Variants in TP63 observed in about 807,000 individuals in gnomAD.
The protein encoded by TP63 is tumor protein p63.
Under a neutral mutation model 82.8 loss-of-function variants are expected in TP63, and 17 were observed. The observed-to-expected ratio is 0.21, with a 90% CI of 0.14 to 0.31. TP63 has a LOEUF of 0.31. Ranked by LOEUF, TP63 falls within the 10% of genes least tolerant of loss-of-function variation. TP63 has a pLI of 1.00. For missense variants in TP63, 648 were observed against 895.3 expected (o/e 0.72, Z 3.52); for synonymous variants, 330 against 321.7 (o/e 1.03, Z -0.28).
At chr3:189,840,518 A>T (rs1713921220) in intron 4 of TP63, among the ~76,000 whole-genome samples, 1 of 151,218 alleles carries the variant, frequency 6.6e-6, no homozygotes, top group Admixed American at 6.6e-5. Flanking sequence ...AGAGGGTGAG[A>T]ATACACAGTA....
chr3:189,808,803 G>C (rs1256970842), intron 4 of TP63, among the ~76,000 whole-genome samples: 5 of 152,236 alleles, frequency 3.3e-5, no homozygotes, highest in African/African-American at 1.2e-4. Context: ...AAAGTTCATG[G>C]CAAGGTAAAG....
At chr3:189,855,755 C>T (rs1716214902) in intron 4 of TP63, among the ~76,000 whole-genome samples, 1 of 151,788 alleles carries the variant, frequency 6.6e-6, no homozygotes, top group Non-Finnish European at 1.5e-5. Flanking sequence ...AAACGGTCAA[C>T]AATGTTAATA....
Position 189,688,293 on chromosome 3 carries a change from C to T in TP63, c.63-49447C>T, listed in dbSNP as rs139857100. On this transcript the variant is annotated intron_variant, in intron 1 of 13. Transcript: ENST00000264731. ...AAATACAATTTAACTAAAGTCTCCA[C>T]ATTTCTAGGTCTTACAAATTCAGAA... Among the ~76,000 whole-genome samples the T allele has an allele frequency of 4.7e-3, 718 of 152,300 alleles. 4 individuals carry two copies. The highest frequency in any genetic ancestry group is 0.014 in the African/African-American group (586 of 41,560).
At chr3:189,608,979 G>A in the TP63 span, among the ~76,000 whole-genome samples, 1 of 151,972 alleles carries the variant, frequency 6.6e-6, no homozygotes, top group East Asian at 1.9e-4. Context: ...TTAGGATTCA[G>A]GAGGAAAACA....
intron 3 of TP63, among the ~76,000 whole-genome samples, chr3:189,807,538 T>G (rs1727043461): frequency 1.3e-5 from 2 of 152,348 alleles, no homozygotes; most frequent in South Asian, 4.1e-4. Context: ...CATAAGTAGT[T>G]GGTATTTCTC....
intron 4 of TP63, among the ~76,000 whole-genome samples, chr3:189,822,902 G>T (rs1042437641): frequency 6.6e-6 from 1 of 152,174 alleles, no homozygotes; most frequent in Admixed American, 6.5e-5. Flanking sequence ...AATGGTCAGG[G>T]TTCTCTAGGG....
At chr3:189,843,818 T>C (rs1384047718) in intron 4 of TP63, among the ~76,000 whole-genome samples, 1 of 152,176 alleles carries the variant, frequency 6.6e-6, no homozygotes, top group African/African-American at 2.4e-5. Context: ...AGTGGGCAGG[T>C]AGAGGACTAG....
intron 4 of TP63, among the ~76,000 whole-genome samples, chr3:189,821,835 G>A (rs1213812744): frequency 2.0e-5 from 3 of 152,088 alleles, no homozygotes; most frequent in South Asian, 2.1e-4. Flanking sequence ...ACGAGATATC[G>A]TATAAAGCAT....
At chr3:189,878,385 C>CTTTTTT (rs1203096619) in intron 10 of TP63, among the ~76,000 whole-genome samples, 2 of 107,698 alleles carry the variant, frequency 1.9e-5, no homozygotes, top group African/African-American at 3.6e-5. Flanking sequence ...TTACAGTTTC[C>CTTTTTT]TTTTTTTTTT....
chr3:189,766,320 T>C (rs1722956870), intron 3 of TP63, among the ~76,000 whole-genome samples: 1 of 152,248 alleles, frequency 6.6e-6, no homozygotes. Flanking sequence ...TGGTGTCTCT[T>C]CTTTCTTTCT....
At chr3:189,788,196 T>C (rs1193798113) in intron 3 of TP63, among the ~76,000 whole-genome samples, 1 of 151,888 alleles carries the variant, frequency 6.6e-6, no homozygotes, top group African/African-American at 2.4e-5. Flanking sequence ...CTGATATAAA[T>C]TTGTAGTGTT....
At chr3:189,868,199 G>A (rs796744204) in intron 7 of TP63, among the ~76,000 whole-genome samples, 2 of 152,162 alleles carry the variant, frequency 1.3e-5, no homozygotes, top group South Asian at 4.1e-4. Context: ...CATTTGACTG[G>A]AATTGTTCTG....
At chr3:189,859,771 T>C (rs1168021325) in intron 4 of TP63, among the ~76,000 whole-genome samples, 5 of 151,896 alleles carry the variant, frequency 3.3e-5, no homozygotes, top group Non-Finnish European at 5.9e-5. Flanking sequence ...TAGAAAAAAA[T>C]GGAAATAATT....
chr3:189,877,289 A>G (rs1414787748), intron 10 of TP63, among the ~76,000 whole-genome samples: 1 of 152,206 alleles, frequency 6.6e-6, no homozygotes, highest in Non-Finnish European at 1.5e-5. Context: ...ATCGGACCCT[A>G]TCTTTAGACT....
At chr3:189,706,492 G>A (rs560041745) in intron 1 of TP63, among the ~76,000 whole-genome samples, 6 of 152,224 alleles carry the variant, frequency 3.9e-5, no homozygotes, top group Non-Finnish European at 7.4e-5. Context: ...CTGACCTTGT[G>A]GTCCGCTGGC....
intron 4 of TP63, among the ~76,000 whole-genome samples, chr3:189,810,988 T>G (rs1166264180): frequency 6.6e-6 from 1 of 152,094 alleles, no homozygotes; most frequent in African/African-American, 2.4e-5. Context: ...AATGTTAGGT[T>G]TAAAAGAAAA....
In TP63 at chr3:189,669,539, A is replaced by G. The variant is rs1404194331; in HGVS notation, c.62+37962A>G. ...AAACAACTGTTTGTATGAAGTAAAA[A>G]TAATCACACTGTAAAGTGGGTTTAT... On this transcript the variant is annotated intron_variant, in intron 1 of 13. Coordinates refer to ENST00000264731, the MANE Select transcript of TP63 (RefSeq NM_003722.5). Among the ~76,000 whole-genome samples, 3 of 152,070 alleles carry G rather than the reference A, an allele frequency of 2.0e-5. 1 individual carries two copies. Among genetic ancestry groups the G allele is most frequent in the South Asian group, 4.1e-4 (2 of 4,828 alleles).
At chr3:189,867,986 G>C (rs951395235) in intron 7 of TP63, 44 bp downstream of exon 7, 1 of 1,515,090 alleles carries the variant, frequency 6.6e-7, no homozygotes, top group South Asian at 1.1e-5. Context: ...AAAAAATCAC[G>C]AGCAGAGGGC....
intron 1 of TP63, among the ~76,000 whole-genome samples, chr3:189,721,033 C>T (rs1159764881): frequency 6.6e-6 from 1 of 152,124 alleles, no homozygotes; most frequent in Non-Finnish European, 1.5e-5. Context: ...GATTGGCTTC[C>T]GATGAAGTTG....
Sources: gnomAD v4.1 joint callset for allele counts (sites outside exome capture counted in the v4.1 genomes callset) on GRCh38, gnomAD v4.1.1 for gene constraint, MANE v1.5 for transcripts, NCBI Gene and HGNC (gene_info 2026-07-23, HGNC 2026-07-21) for gene names.